The following BRI3 variants were observed in gnomAD, a reference collection of about 807,000 sequenced individuals.
BRI3 encodes the protein brain protein I3, also known as membrane protein BRI3.
A neutral mutation model predicts 12.8 loss-of-function variants in BRI3; 6 were observed. The ratio of observed to expected loss-of-function variants is 0.47; its 90% CI spans 0.26 to 0.93. BRI3 has a LOEUF of 0.93. BRI3 is among the 40% of genes least tolerant of loss of function. The pLI is 0.15. For missense variants in BRI3, 134 were observed against 171.1 expected, an observed-to-expected ratio of 0.78 and a Z score of 1.21; for synonymous variants, 91 against 76.1, an observed-to-expected ratio of 1.20 and a Z score of -1.02.
chr7:98,317,124 A>T, the BRI3 span: 1 of 1,506,322 alleles, frequency 6.6e-7, no homozygotes, highest in Non-Finnish European at 9.1e-7. Flanking sequence ...AAGTGCTGGG[A>T]TTACAGGCGT....
chr7:98,319,935 GCAT>G, the BRI3 span: 2 of 783,426 alleles, frequency 2.6e-6, no homozygotes, highest in Non-Finnish European at 4.3e-6. Context: ...ATGCATCTGG[GCAT>G]CATCAACACG....
At chr7:98,304,259 T>C (rs767036439), upstream of BRI3, 14 of 1,613,652 alleles carry the variant, frequency 8.7e-6, no homozygotes, top group African/African-American at 1.9e-4. Context: ...TGGCCGAATC[T>C]GCTCTCCTGT....
At chr7:98,294,509 G>A (rs911122273), downstream of BRI3, among the ~76,000 whole-genome samples, 10 of 152,208 alleles carry the variant, frequency 6.6e-5, no homozygotes, top group African/African-American at 2.2e-4. Context: ...GATGTCGGGA[G>A]CTCACATGTG....
chr7:98,305,688 G>T (rs1479605333), upstream of BRI3, among the ~76,000 whole-genome samples: 1 of 152,168 alleles, frequency 6.6e-6, no homozygotes, highest in Non-Finnish European at 1.5e-5. Context: ...CTCCCAAAGT[G>T]CTGGGATTAC....
intron 1 of BRI3, 140 bp downstream of exon 1, chr7:98,282,077 G>A (rs915912133): frequency 8.3e-6 from 10 of 1,207,460 alleles, no homozygotes; most frequent in Non-Finnish European, 1.1e-5. Flanking sequence ...TCGGGACCCG[G>A]CGCCGCCGAG....
chr7:98,290,989 G>A (rs1230222376), intron 2 of BRI3, 122 bp from the exon 3 acceptor site: 18 of 1,171,986 alleles, frequency 1.5e-5, no homozygotes, highest in African/African-American at 1.2e-4. Flanking sequence ...TCTGTCACTC[G>A]CCAGAGGTCC....
chr7:98,317,783 G>A, the BRI3 span, among the ~76,000 whole-genome samples: 9 of 151,408 alleles, frequency 5.9e-5, no homozygotes, highest in East Asian at 2.0e-4. Context: ...CACACTGGCC[G>A]GGGCCCTCGC....
downstream of BRI3, chr7:98,293,965 G>C: frequency 7.8e-7 from 1 of 1,281,516 alleles, no homozygotes. Context: ...ACAGGCCGAG[G>C]CCTTTCTCAG....
downstream of BRI3, among the ~76,000 whole-genome samples, chr7:98,311,909 TAAC>T (rs1332019291): frequency 6.6e-6 from 1 of 151,920 alleles, no homozygotes. Flanking sequence ...GACTCCACCT[TAAC>T]AACAACAAAA....
At chr7:98,315,103 G>A (rs1025690777), downstream of BRI3, among the ~76,000 whole-genome samples, 53 of 152,104 alleles carry the variant, frequency 3.5e-4, no homozygotes, top group Admixed American at 1.0e-3. Context: ...GGTGAGTGGC[G>A]TGCATGTGTG....
intron 2 of BRI3, among the ~76,000 whole-genome samples, chr7:98,289,275 T>C (rs1036636935): frequency 6.6e-6 from 1 of 152,182 alleles, no homozygotes; most frequent in Non-Finnish European, 1.5e-5. Flanking sequence ...CTTTCAGCAG[T>C]GGAAAGCCCG....
At chr7:98,318,019 G>A in the BRI3 span, among the ~76,000 whole-genome samples, 1 of 151,790 alleles carries the variant, frequency 6.6e-6, no homozygotes. Context: ...TCTGCATGAT[G>A]GCTGGGACCC....
At chr7:98,308,446 C>A (rs1426390459) in exon 2 of BRI3, 1 of 370,546 alleles carries the variant, frequency 2.7e-6, no homozygotes, top group South Asian at 2.0e-5. Context: ...CAGTCACGAT[C>A]TCAATGTCTC....
At chr7:98,309,517 GCA>G (rs1800794403) in exon 2 of BRI3, 1 of 152,196 alleles carries the variant, frequency 6.6e-6, no homozygotes, top group Admixed American at 6.5e-5. Context: ...TCACTGGGAT[GCA>G]CAGAGTATTA....
intron 2 of BRI3, 43 bp from the exon 3 acceptor site, chr7:98,291,068 C>T (rs770923573): frequency 1.1e-4 from 178 of 1,611,226 alleles, no homozygotes; most frequent in South Asian, 3.4e-4. Flanking sequence ...TCTGGCTGCC[C>T]GGGTCCTTAC....
At chr7:98,321,595 T>G in the BRI3 span, among the ~76,000 whole-genome samples, 1 of 152,176 alleles carries the variant, frequency 6.6e-6, no homozygotes, top group African/African-American at 2.4e-5. Flanking sequence ...TCTGCCACCT[T>G]TCTACAGGTG....
intron 2 of BRI3, among the ~76,000 whole-genome samples, chr7:98,290,297 G>A (rs1196785282): frequency 2.1e-5 from 3 of 145,630 alleles, no homozygotes; most frequent in Admixed American, 7.1e-5. Flanking sequence ...CTGGGTTCAC[G>A]CCATTCTCCT....
chr7:98,306,640 G>A lies in BRI3; in HGVS notation n.119G>A, dbSNP rs1011479666. 3.6e-6 allele frequency: 5 copies of A among 1,400,160 alleles called. No individual in the cohort carries two copies. In the African/African-American group the frequency reaches 7.2e-5, roughly 20 times the overall value. The allele number at this position is 1,400,160 out of a possible 1,614,324, so 86.7% of individuals were successfully genotyped here. ...TGCTCCAGAAACGCCCATGTGTGGA[G>A]GAAATGAAATTAAGGCTTTTAATAG... On this transcript the variant is annotated non_coding_transcript_exon_variant, in exon 1 of 2. Transcript: ENST00000485422.
chr7:98,285,781 C>T (rs1799692190), intron 2 of BRI3, among the ~76,000 whole-genome samples: 1 of 152,108 alleles, frequency 6.6e-6, no homozygotes, highest in Non-Finnish European at 1.5e-5. Flanking sequence ...GTGAACTGTC[C>T]CTAAGCCAGG....
Sources: gnomAD v4.1 joint callset for allele counts (sites outside exome capture counted in the v4.1 genomes callset) on GRCh38, gnomAD v4.1.1 for gene constraint, MANE v1.5 for transcripts, NCBI Gene and HGNC (gene_info 2026-07-23, HGNC 2026-07-21) for gene names.